The following PHF20 variants were observed in gnomAD, a reference collection of about 807,000 sequenced individuals.
PHF20 encodes glioma-expressed antigen 2.
In PHF20, 23 loss-of-function variants were observed where a neutral mutation model predicts 113.5. The ratio of observed to expected loss-of-function variants is 0.20; its 90% CI spans 0.15 to 0.29. The LOEUF (loss-of-function observed/expected upper bound fraction) is 0.29. Ranked by LOEUF, PHF20 falls within the 10% of genes least tolerant of loss-of-function variation. PHF20 has a pLI of 1.00. For synonymous variants in PHF20, 434 were observed against 457.3 expected, an observed-to-expected ratio of 0.95 and a Z score of 0.65; for missense variants, 943 against 1,219.6, an observed-to-expected ratio of 0.77 and a Z score of 3.38.
intron 17 of PHF20, among the ~76,000 whole-genome samples, chr20:35,943,765 T>G (rs564454199): frequency 1.3e-4 from 20 of 150,790 alleles, no homozygotes; most frequent in Non-Finnish European, 1.9e-4. Flanking sequence ...GGATTATAGG[T>G]GCACACCGCC....
chr20:35,847,194 G>C (rs1385402244), intron 3 of PHF20, among the ~76,000 whole-genome samples, 156 bp from the exon 4 acceptor site: 1 of 152,094 alleles, frequency 6.6e-6, no homozygotes, highest in Non-Finnish European at 1.5e-5. Flanking sequence ...AACTCCTAGT[G>C]TTGAACAACA....
rs866338320 is a variant in PHF20, at chr20:35,914,141, G to A, written c.1769G>A (p.Ser590Asn). ...TCACACAAGCCAGGGGTCCATATGAGCCCGCAGCTTCATGGCCCAGAATCT... is the reference window on the plus strand; with the variant it reads ...TCACACAAGCCAGGGGTCCATATGAACCCGCAGCTTCATGGCCCAGAATCT... Reference protein sequence around the residue: ...GSSHKPGVHMSPQLHGPESGH... With the variant: ...GSSHKPGVHMNPQLHGPESGH... The change falls in exon 12 of 18, where the codon AGC (serine) becomes AAC (asparagine). Residue 590 changes from serine to asparagine, a missense_variant. This residue lies in a region of PHF20 where 592 missense variants were observed against 787.2 expected (regional missense o/e 0.75). Transcript: ENST00000374012. The A allele has an allele frequency of 3.1e-6, 5 of 1,614,130 alleles. No homozygotes were observed. In the Middle Eastern group the frequency reaches 4.9e-4, roughly 160 times the overall value.
intron 2 of PHF20, among the ~76,000 whole-genome samples, chr20:35,823,684 A>G (rs2042214862): frequency 6.6e-6 from 1 of 151,578 alleles, no homozygotes; most frequent in Non-Finnish European, 1.5e-5. Context: ...AAAGATATAA[A>G]GCACTTCTGT....
intron 15 of PHF20, among the ~76,000 whole-genome samples, chr20:35,934,497 G>A (rs1038170180): frequency 6.6e-6 from 1 of 152,214 alleles, no homozygotes; most frequent in Non-Finnish European, 1.5e-5. Flanking sequence ...ATTCTCTTAG[G>A]GTTCCCCTTA....
chr20:35,829,113 C>T (rs1196805150), intron 2 of PHF20, among the ~76,000 whole-genome samples: 1 of 152,100 alleles, frequency 6.6e-6, no homozygotes, highest in African/African-American at 2.4e-5. Context: ...TGAACCTCTC[C>T]ATAGACATCT....
At chr20:35,883,731 T>A (rs1415484904) in intron 9 of PHF20, among the ~76,000 whole-genome samples, 2 of 152,160 alleles carry the variant, frequency 1.3e-5, no homozygotes, top group Admixed American at 6.5e-5. Context: ...TGTGAGCCAG[T>A]GTGTCTGGCC....
At chr20:35,925,804 G>A (rs893534515) in intron 13 of PHF20, among the ~76,000 whole-genome samples, 40 of 151,164 alleles carry the variant, frequency 2.6e-4, no homozygotes. Context: ...AAGGAATAAT[G>A]TGTTTTAGCT....
intron 2 of PHF20, among the ~76,000 whole-genome samples, chr20:35,808,682 C>T (rs2041925295): frequency 1.3e-5 from 2 of 151,948 alleles, no homozygotes; most frequent in Admixed American, 6.6e-5. Context: ...GTGCCATTCT[C>T]CTGCCTCAGC....
chr20:35,850,070 G>T (rs1168340435), intron 4 of PHF20, among the ~76,000 whole-genome samples: 1 of 152,120 alleles, frequency 6.6e-6, no homozygotes, highest in Non-Finnish European at 1.5e-5. Context: ...GGCATATAAT[G>T]CCATATTATT....
In PHF20 at chr20:35,796,301, T is replaced by G. The variant is rs377545701; in HGVS notation, c.-32-5190T>G. Reference sequence around the variant, plus strand: ...CATATTTGTTGAGTTTATAATGTAGTCCTACTGTAATGAATTTTGATTAAA... The same window carrying G: ...CATATTTGTTGAGTTTATAATGTAGGCCTACTGTAATGAATTTTGATTAAA... On this transcript the variant is annotated intron_variant, in intron 1 of 17. Coordinates refer to ENST00000374012, the MANE Select transcript of PHF20 (RefSeq NM_016436.5). Among the ~76,000 whole-genome samples the G allele has an allele frequency of 3.9e-5, 6 of 152,318 alleles. 1 individual carries two copies. Among genetic ancestry groups the G allele is most frequent in the African/African-American group, 1.4e-4 (6 of 41,570 alleles).
intron 10 of PHF20, 33 bp from the exon 11 acceptor site, chr20:35,913,216 T>C (rs1394178587): frequency 7.0e-7 from 1 of 1,436,650 alleles, no homozygotes; most frequent in Non-Finnish European, 9.6e-7. Context: ...GAAAACAAAA[T>C]GTTAAAATGC....
chr20:35,949,224 T>C lies in PHF20; in HGVS notation c.*1597T>C, dbSNP rs990501589. 4 of 152,480 alleles carry C rather than the reference T, an allele frequency of 2.6e-5. No individual in the cohort carries two copies. The highest frequency in any genetic ancestry group is 5.9e-5 in the Non-Finnish European group (4 of 68,046). 9.4% of individuals were successfully genotyped at this position (152,480 alleles called of 1,614,324 possible). On this transcript the variant is annotated 3_prime_UTR_variant, in exon 18 of 18. Transcript: ENST00000374012. ...AAGAGGCTGTTTCTCACTGCTAACG[T>C]TGGTGTTTCTGGCGTGGGAAGAAAT...
At chr20:35,896,632 A>T (rs2054989637) in intron 9 of PHF20, among the ~76,000 whole-genome samples, 2 of 150,122 alleles carry the variant, frequency 1.3e-5, no homozygotes, top group South Asian at 4.2e-4. Flanking sequence ...ACCAGTCTCT[A>T]CTAAAGCTAT....
Position 35,847,406 on chromosome 20 carries a change from G to A in PHF20, c.312G>A (p.Pro104=), listed in dbSNP as rs1430320998. The A allele has an allele frequency of 2.4e-5, 38 of 1,611,878 alleles. No homozygotes were observed. Among genetic ancestry groups the A allele is most frequent in the East Asian group, 4.5e-5 (2 of 44,848 alleles). The change falls in exon 4 of 18, where the codon CCG becomes CCA. Residue 104 remains proline (P), a synonymous_variant. Coordinates refer to ENST00000374012, the MANE Select transcript of PHF20 (RefSeq NM_016436.5). ...GCTGGTCTGATTGTCGTTTTTACCC[G>A]GCCAAAGTCACTGCTGTTAACAAGG... ...LACWSDCRFY[P]AKVTAVNKDG...
chr20:35,917,430 G>GT, intron 12 of PHF20, 54 bp from the exon 13 acceptor site: 2 of 1,461,406 alleles, frequency 1.4e-6, no homozygotes, highest in Non-Finnish European at 1.9e-6. Context: ...ACAATCAAAG[G>GT]TTTTTTAATT....
chr20:35,780,335 C>T (rs1208102705), intron 1 of PHF20, among the ~76,000 whole-genome samples: 1 of 149,878 alleles, frequency 6.7e-6, no homozygotes, highest in Non-Finnish European at 1.5e-5. Context: ...ACGCCATTCT[C>T]CTGCCTCAGC....
At chr20:35,884,306 G>A (rs1386947899) in intron 9 of PHF20, among the ~76,000 whole-genome samples, 2 of 152,174 alleles carry the variant, frequency 1.3e-5, no homozygotes, top group Middle Eastern at 3.2e-3. Context: ...AAACCGAGAT[G>A]GAGTCACAAT....
chr20:35,883,680 G>A (rs1423122740), intron 9 of PHF20, among the ~76,000 whole-genome samples: 2 of 152,172 alleles, frequency 1.3e-5, no homozygotes, highest in Non-Finnish European at 2.9e-5. Flanking sequence ...GAGCTCAACC[G>A]ATCCACTTGC....
At chr20:35,902,644 A>G (rs900959867) in intron 10 of PHF20, among the ~76,000 whole-genome samples, 2 of 152,158 alleles carry the variant, frequency 1.3e-5, no homozygotes, top group African/African-American at 4.8e-5. Context: ...TACTTGCATG[A>G]CTTGGTTTAT....
Sources: gnomAD v4.1 joint callset for allele counts (sites outside exome capture counted in the v4.1 genomes callset) on GRCh38, gnomAD v4.1.1 for gene constraint, gnomAD v4.1.1 regional missense constraint, MANE v1.5 for transcripts, NCBI Gene and HGNC (gene_info 2026-07-23, HGNC 2026-07-21) for gene names.